The following INSYN2B variants were observed in gnomAD, a reference collection of about 807,000 sequenced individuals.
INSYN2B encodes the protein protein INSYN2B.
INSYN2B carries 16 observed loss-of-function variants against 41.2 expected under a neutral mutation model. That is an observed-to-expected ratio of 0.39 (90% confidence interval 0.26 to 0.59). The LOEUF is 0.59. Ranked by LOEUF, INSYN2B falls within the 20% of genes least tolerant of loss-of-function variation. The pLI, the probability that INSYN2B is intolerant of heterozygous loss-of-function variation, is 0.57. For synonymous variants in INSYN2B, 245 were observed against 244.4 expected (o/e 1.00, Z -0.02); for missense variants, 608 against 646.4 (o/e 0.94, Z 0.64).
chr5:169,969,338 G>A (rs990358552), intron 1 of INSYN2B, among the ~76,000 whole-genome samples: 1 of 151,832 alleles, frequency 6.6e-6, no homozygotes, highest in African/African-American at 2.4e-5. Context: ...CCAGCTACTC[G>A]GGAGGCTGAG....
intron 3 of INSYN2B, among the ~76,000 whole-genome samples, chr5:169,873,878 T>C (rs1772139465): frequency 6.6e-6 from 1 of 152,100 alleles, no homozygotes; most frequent in South Asian, 2.1e-4. Context: ...CTCTCCTCAG[T>C]GATGTGAAGC....
intron 1 of INSYN2B, among the ~76,000 whole-genome samples, chr5:169,885,480 A>G (rs1260001531): frequency 6.6e-6 from 1 of 152,196 alleles, no homozygotes. Flanking sequence ...TTCTGCTATG[A>G]CTGCAACATT....
chr5:169,972,907 C>A (rs528299689), intron 1 of INSYN2B, among the ~76,000 whole-genome samples: 4 of 152,246 alleles, frequency 2.6e-5, no homozygotes, highest in Admixed American at 2.6e-4. Flanking sequence ...GCAACCACCC[C>A]CCTCCCCAAT....
At chr5:169,926,080 T>C (rs1410528971) in intron 1 of INSYN2B, among the ~76,000 whole-genome samples, 1 of 152,126 alleles carries the variant, frequency 6.6e-6, no homozygotes, top group East Asian at 1.9e-4. Context: ...GAAAAGAGAA[T>C]TTCTCTCTTA....
chr5:169,864,130 C>T lies in INSYN2B; in HGVS notation c.*143G>A. 1 of 730,032 alleles carries T rather than the reference C, an allele frequency of 1.4e-6. No homozygotes were observed. The highest frequency in any genetic ancestry group is 2.2e-6 in the Non-Finnish European group (1 of 445,078). 45.2% of individuals were successfully genotyped at this position (730,032 alleles called of 1,614,324 possible). ...AGGTGTCCAGCAGCGGCTACATCAGCTCCAAGGCTCTTCTGTTTCACAGGC... is the reference window on the plus strand; with the variant it reads ...AGGTGTCCAGCAGCGGCTACATCAGTTCCAAGGCTCTTCTGTTTCACAGGC... On this transcript the variant is annotated 3_prime_UTR_variant, in exon 4 of 4. Coordinates refer to ENST00000377365, the MANE Select transcript of INSYN2B (RefSeq NM_001129891.3).
intron 1 of INSYN2B, among the ~76,000 whole-genome samples, chr5:169,939,741 T>C (rs1014097066): frequency 4.6e-5 from 7 of 152,240 alleles, no homozygotes; most frequent in African/African-American, 1.7e-4. Flanking sequence ...AAAATTAATA[T>C]ACTTAAAGTT....
chr5:169,933,651 G>A (rs1349484093), intron 1 of INSYN2B, among the ~76,000 whole-genome samples: 2 of 152,142 alleles, frequency 1.3e-5, no homozygotes, highest in Non-Finnish European at 2.9e-5. Flanking sequence ...AGTAACAGCT[G>A]TAGAAGTCAG....
At chr5:169,975,298 A>T (rs2113772457) in intron 1 of INSYN2B, among the ~76,000 whole-genome samples, 1 of 152,320 alleles carries the variant, frequency 6.6e-6, no homozygotes, top group East Asian at 1.9e-4. Flanking sequence ...AAGACATGGA[A>T]AATGCTTCTC....
In INSYN2B at chr5:169,882,666, G is replaced by A; in HGVS notation, c.1233C>T (p.Asp411=). 2.6e-6 allele frequency: 4 copies of A among 1,552,070 alleles called. No individual in the cohort carries two copies. The South Asian group carries it at 4.8e-5, about 18-fold the overall frequency. ...QIHLARGELC[D]LQGRLQSVEE... is the part of the protein sequence containing the mutation. ...CCACAGATTGCAGTCGGCCTTGGAG[G>A]TCGCAGAGTTCACCCCGTGCCAGGT... is the stretch of plus-strand genomic sequence containing the variant. Residue 411 remains aspartate (D), a synonymous_variant, in exon 2 of 4, where the codon GAC becomes GAT. Transcript: ENST00000377365.
At chr5:169,948,083 G>A (rs979373435) in intron 1 of INSYN2B, among the ~76,000 whole-genome samples, 1 of 151,962 alleles carries the variant, frequency 6.6e-6, no homozygotes, top group Non-Finnish European at 1.5e-5. Flanking sequence ...CGAGAGAAGA[G>A]CCAGGCCACC....
In INSYN2B at chr5:169,924,538, T is replaced by A. The variant is rs371949182; in HGVS notation, c.-918-39722A>T. 3.6e-3 allele frequency among the ~76,000 whole-genome samples: 556 copies of A among 152,330 alleles called. 34 individuals are homozygous for A. In the South Asian group the frequency reaches 0.11, roughly 29 times the overall value. ...AGAATCTTGATGATCTTTTGGCTGC[T>A]TCTTGGGTAGCAATTTAGACTCTCA... On this transcript the variant is annotated intron_variant, in intron 1 of 3. Transcript: ENST00000377365.
intron 1 of INSYN2B, among the ~76,000 whole-genome samples, chr5:169,946,425 T>C (rs1776451457): frequency 6.6e-6 from 1 of 152,220 alleles, no homozygotes. Flanking sequence ...TGTTCTTAGC[T>C]GGTTTTCATA....
Position 169,883,211 on chromosome 5 carries a change from T to C in INSYN2B, c.688A>G (p.Ser230Gly). ...ALSPDRSAEV[S>G]NSIHPLDDTR... Reference sequence around the variant, plus strand: ...TCATCCAAAGGGTGTATGGAGTTACTTACTTCAGCTGACCTGTCTGGGCTG... The same window carrying C: ...TCATCCAAAGGGTGTATGGAGTTACCTACTTCAGCTGACCTGTCTGGGCTG... Residue 230 changes from serine (S) to glycine (G), a missense_variant, in exon 2 of 4, where the codon AGT becomes GGT. Ser to Gly is a moderately conservative substitution (Grantham distance 56). Coordinates refer to ENST00000377365, the MANE Select transcript of INSYN2B (RefSeq NM_001129891.3). 1 of 1,551,454 alleles carries C rather than the reference T, an allele frequency of 6.4e-7. No individual in the cohort carries two copies. Among genetic ancestry groups the C allele is most frequent in the Non-Finnish European group, 8.7e-7 (1 of 1,146,772 alleles).
intron 3 of INSYN2B, chr5:169,875,960 G>C (rs1198619097): frequency 1.3e-5 from 2 of 152,234 alleles, no homozygotes; most frequent in Admixed American, 6.5e-5. Context: ...TACTCTTACA[G>C]TTCTGGAGGG....
chr5:169,943,954 C>T (rs956383324), intron 1 of INSYN2B, among the ~76,000 whole-genome samples: 4 of 152,220 alleles, frequency 2.6e-5, no homozygotes, highest in African/African-American at 9.6e-5. Flanking sequence ...ACTTTGCTTT[C>T]TTATTGTCTC....
At chr5:169,944,336 C>T (rs1156543457) in intron 1 of INSYN2B, among the ~76,000 whole-genome samples, 8 of 152,186 alleles carry the variant, frequency 5.3e-5, no homozygotes, top group East Asian at 1.9e-4. Flanking sequence ...GCTGGCAGGT[C>T]CTTCAAGGCA....
At chr5:169,953,870 T>C (rs947666550) in intron 1 of INSYN2B, among the ~76,000 whole-genome samples, 1 of 152,238 alleles carries the variant, frequency 6.6e-6, no homozygotes, top group Admixed American at 6.5e-5. Context: ...ACTTACTTGT[T>C]CCGAGTTAGT....
At chr5:169,909,456 A>G (rs2113613902) in intron 1 of INSYN2B, among the ~76,000 whole-genome samples, 1 of 152,330 alleles carries the variant, frequency 6.6e-6, no homozygotes, top group South Asian at 2.1e-4. Flanking sequence ...CTTTTTGAAG[A>G]AGAAAGTCTA....
chr5:169,958,875 A>G (rs940194301), intron 1 of INSYN2B, among the ~76,000 whole-genome samples: 6 of 152,244 alleles, frequency 3.9e-5, no homozygotes, highest in South Asian at 2.1e-4. Context: ...AGAGTGGGGG[A>G]AAAACCTAGT....
Sources: gnomAD v4.1 joint callset for allele counts (sites outside exome capture counted in the v4.1 genomes callset) on GRCh38, gnomAD v4.1.1 for gene constraint, MANE v1.5 for transcripts, NCBI Gene and HGNC (gene_info 2026-07-23, HGNC 2026-07-21) for gene names.